Variants in PBRM1 observed in about 807,000 individuals in gnomAD.
PBRM1 encodes polybromo 1.
In PBRM1, 27 loss-of-function variants were observed where a neutral mutation model predicts 194.5. The observed-to-expected ratio is 0.14, with a 90% confidence interval of 0.10 to 0.19. The LOEUF is 0.19. Among genes scored for constraint, PBRM1 ranks in the 10% least tolerant of loss-of-function variants. The probability of loss-of-function intolerance (pLI) is 1.00; values close to 1 mark genes in which losing one functional copy is unlikely to be tolerated. For synonymous variants in PBRM1, 655 were observed against 693.2 expected, an observed-to-expected ratio of 0.94 and a Z score of 0.87; for missense variants, 1,466 against 2,077.2, an observed-to-expected ratio of 0.71 and a Z score of 5.72.
chr3:52,565,957 G>A (rs550702054), intron 22 of PBRM1, among the ~76,000 whole-genome samples: 1 of 152,092 alleles, frequency 6.6e-6, no homozygotes, highest in Non-Finnish European at 1.5e-5. Flanking sequence ...GGCTGAGGCA[G>A]GAGAATGGCC....
chr3:52,685,882 T>A (rs1339333602), upstream of PBRM1: 1 of 548,058 alleles, frequency 1.8e-6, no homozygotes, highest in African/African-American at 2.0e-5. Context: ...CGCCCTCACC[T>A]CCCTTACCCC....
chr3:52,641,848 T>C, intron 10 of PBRM1, 106 bp downstream of exon 11: 1 of 779,934 alleles, frequency 1.3e-6, no homozygotes, highest in South Asian at 1.4e-5. Flanking sequence ...AAATAGCATG[T>C]ACTTCCCAAA....
In PBRM1 at chr3:52,619,791, G is replaced by C. The variant is rs868174981; in HGVS notation, c.1542-2253C>G. On this transcript the variant is annotated intron_variant, in intron 13 of 29. Coordinates refer to ENST00000296302, the Ensembl canonical transcript of PBRM1. ...AAAGAAAAATCAAGAATTAACAGTT[G>C]AGAAAATAAACATCTATCCTTAAGA... 5.3e-5 allele frequency among the ~76,000 whole-genome samples: 8 copies of C among 152,158 alleles called. No homozygotes were observed. In the South Asian group the frequency reaches 1.7e-3, roughly 32 times the overall value.
intron 5 of PBRM1, 46 bp from the exon 7 acceptor site, chr3:52,651,856 G>T: frequency 7.9e-7 from 1 of 1,258,382 alleles, no homozygotes; most frequent in Non-Finnish European, 1.1e-6. Context: ...AAACTATTCA[G>T]CTAATGAAAA....
At chr3:52,658,129 A>C (rs2096644998) in intron 5 of PBRM1, 70 bp downstream of exon 6, 2 of 781,388 alleles carry the variant, frequency 2.6e-6, no homozygotes, top group Non-Finnish European at 2.3e-6. Flanking sequence ...ATTTATCAGT[A>C]ATTAATACAA....
chr3:52,644,916 C>T (rs2096244774), intron 7 of PBRM1, 127 bp from the exon 9 acceptor site: 2 of 487,618 alleles, frequency 4.1e-6, no homozygotes, highest in South Asian at 5.2e-5. Flanking sequence ...ATTCAATACC[C>T]ACAAAGCTGC....
At chr3:52,573,415 T>G (rs2088167327) in intron 22 of PBRM1, among the ~76,000 whole-genome samples, 3 of 152,232 alleles carry the variant, frequency 2.0e-5, no homozygotes, top group South Asian at 2.1e-4. Context: ...TGCCTCAGCC[T>G]CTCTAGTAGC....
intron 2 of PBRM1, among the ~76,000 whole-genome samples, chr3:52,673,702 T>G (rs1177876427): frequency 7.0e-6 from 1 of 143,752 alleles, no homozygotes; most frequent in Non-Finnish European, 1.5e-5. Context: ...AGCTTCTTTC[T>G]CAAGGAATTA....
intron 20 of PBRM1, among the ~76,000 whole-genome samples, chr3:52,583,116 A>C (rs923118507): frequency 1.5e-5 from 2 of 137,578 alleles, no homozygotes; most frequent in African/African-American, 2.7e-5. Context: ...AAAAAAAAAA[A>C]AAAACTAATA....
chr3:52,673,671 CAAAAAAA>C (rs1324914906), intron 2 of PBRM1, among the ~76,000 whole-genome samples: 1 of 39,256 alleles, frequency 2.5e-5, no homozygotes, highest in South Asian at 9.8e-4. Context: ...GACTCCATCT[CAAAAAAA>C]AAAAAAAAAA....
intron 1 of PBRM1, chr3:52,685,307 G>C (rs902873926): frequency 2.1e-4 from 32 of 152,020 alleles, no homozygotes; most frequent in Admixed American, 2.1e-3. Context: ...ATAAATACAA[G>C]TCCCATTGAT....
At chr3:52,642,113 C>T (rs2096116138) in intron 9 of PBRM1, 68 bp from the exon 11 acceptor site, 1 of 826,656 alleles carries the variant, frequency 1.2e-6, no homozygotes, top group Non-Finnish European at 2.0e-6. Context: ...TTACAGGGAA[C>T]AGGAACTATT....
chr3:52,580,507 C>T (rs1160945141), intron 20 of PBRM1, among the ~76,000 whole-genome samples: 1 of 152,000 alleles, frequency 6.6e-6, no homozygotes, highest in East Asian at 1.9e-4. Context: ...TACAGGCACC[C>T]GCTACCATGC....
In PBRM1 at chr3:52,631,853, G is replaced by C. The variant is rs575904291; in HGVS notation, c.1301+2749C>G. 3.9e-5 allele frequency among the ~76,000 whole-genome samples: 6 copies of C among 152,292 alleles called. No homozygotes were observed. The South Asian group carries it at 1.2e-3, about 32-fold the overall frequency. On this transcript the variant is annotated intron_variant, in intron 11 of 29. Coordinates refer to ENST00000296302, the Ensembl canonical transcript of PBRM1. ...CTTTGAAAATTTGTAATGTAAGAAA[G>C]GAGCTTGGAATGTACAGGTAATATC...
At chr3:52,639,764 T>A (rs898685188) in intron 10 of PBRM1, among the ~76,000 whole-genome samples, 1 of 129,250 alleles carries the variant, frequency 7.7e-6, no homozygotes, top group African/African-American at 2.9e-5. Flanking sequence ...AGAGGCAGGG[T>A]GTTTCTATGT....
chr3:52,626,311 T>C (rs751223155), intron 13 of PBRM1, among the ~76,000 whole-genome samples: 8 of 152,214 alleles, frequency 5.3e-5, no homozygotes, highest in Non-Finnish European at 8.8e-5. Flanking sequence ...GTTACCATGG[T>C]AAAGCTTAAA....
At chr3:52,664,712 C>A (rs1222039633) in intron 3 of PBRM1, among the ~76,000 whole-genome samples, 2 of 149,370 alleles carry the variant, frequency 1.3e-5, no homozygotes, top group Admixed American at 1.3e-4. Context: ...CCAGCCTGGG[C>A]ATCAGAGCCA....
At chr3:52,550,089 G>A (rs2080549029) in intron 29 of PBRM1, among the ~76,000 whole-genome samples, 1 of 152,020 alleles carries the variant, frequency 6.6e-6, no homozygotes, top group Admixed American at 6.6e-5. Flanking sequence ...GTGGTGGCAT[G>A]TGCCTGTAAT....
At chr3:52,663,332 A>G (rs2096764497) in intron 3 of PBRM1, among the ~76,000 whole-genome samples, 1 of 152,188 alleles carries the variant, frequency 6.6e-6, no homozygotes, top group South Asian at 2.1e-4. Context: ...ATTAGTGGGA[A>G]CTCAAATCAG....
Sources: allele counts gnomAD v4.1 joint callset (sites outside exome capture counted in the v4.1 genomes callset), GRCh38; gene constraint gnomAD v4.1.1; transcripts MANE v1.5; gene names NCBI Gene and HGNC (gene_info 2026-07-23, HGNC 2026-07-21).